Variants in CLCNKB observed in about 807,000 individuals in gnomAD.
The protein encoded by CLCNKB is chloride channel protein ClC-Kb.
In CLCNKB, 74 loss-of-function variants were observed where a neutral mutation model predicts 83.8. That is an observed-to-expected ratio of 0.88 (90% confidence interval 0.73 to 1.07). CLCNKB has a LOEUF of 1.07. CLCNKB is among the 50% of genes least tolerant of loss of function. The pLI is 0.00. For missense variants in CLCNKB, 798 were observed against 893.6 expected, an observed-to-expected ratio of 0.89 and a Z score of 1.36; for synonymous variants, 358 against 356.6, an observed-to-expected ratio of 1.00 and a Z score of -0.04.
intron 18 of CLCNKB, among the ~76,000 whole-genome samples, chr1:16,056,179 G>A (rs1208667966): frequency 6.6e-6 from 1 of 152,176 alleles, no homozygotes; most frequent in Non-Finnish European, 1.5e-5. Flanking sequence ...AGATGGCCCC[G>A]CCCCCTCTGT....
chr1:16,045,791 TCTGGGTGGGGATCTGGTC>T, intron 3 of CLCNKB, 105 bp downstream of exon 3: 1 of 567,774 alleles, frequency 1.8e-6, no homozygotes, highest in Non-Finnish European at 3.3e-6. Context: ...GGGGGGGTGC[TCTGGGTGGGGATCTGGTC>T]CTGGCTTTAC....
In CLCNKB at chr1:16,048,291, G is replaced by T. The variant is rs368196358; in HGVS notation, c.499-52G>T. On this transcript the variant is annotated intron_variant, in intron 5 of 19. Coordinates refer to ENST00000375679, the MANE Select transcript of CLCNKB (RefSeq NM_000085.5). ...GGGAAGCCGTGCTGACTCTGGGTGA[G>T]ACCGTCTCTGCTGCCCTCACCTGGG... The T allele has an allele frequency of 2.1e-5, 33 of 1,605,208 alleles. No individual in the cohort carries two copies. In the African/African-American group the frequency reaches 4.2e-4, roughly 20 times the overall value.
intron 2 of CLCNKB, among the ~76,000 whole-genome samples, 197 bp downstream of exon 2, chr1:16,044,789 G>A (rs2023049132): frequency 6.6e-6 from 1 of 152,216 alleles, no homozygotes; most frequent in Admixed American, 6.5e-5. Context: ...GATGGGCCGG[G>A]CATCTGCCCT....
Position 16,045,482 on chromosome 1 carries a change from C to T in CLCNKB, c.101-76C>T. Reference sequence around the variant, plus strand: ...CCTGCCCCAGCCTCTCTGCCTGAAGCCCAGCAGGCCTCCAAGGATGGGACT... The same window carrying T: ...CCTGCCCCAGCCTCTCTGCCTGAAGTCCAGCAGGCCTCCAAGGATGGGACT... On this transcript the variant is annotated intron_variant, in intron 2 of 19. Coordinates refer to ENST00000375679, the MANE Select transcript of CLCNKB (RefSeq NM_000085.5). 3 of 1,571,384 alleles carry T rather than the reference C, an allele frequency of 1.9e-6. No individual in the cohort carries two copies. The South Asian group carries it at 3.4e-5, about 18-fold the overall frequency.
At chr1:16,055,833 C>T in intron 18 of CLCNKB, 75 bp downstream of exon 18, 1 of 1,422,824 alleles carries the variant, frequency 7.0e-7, no homozygotes, top group Non-Finnish European at 9.9e-7. Flanking sequence ...GCTCACGCTC[C>T]AGCCTCCCCT....
rs1036013540 is a variant in CLCNKB at position 16,043,892 on chromosome 1, C to G, written c.-8+12C>G. The G allele has an allele frequency of 1.5e-5, 2 of 134,678 alleles. No homozygotes were observed. Among genetic ancestry groups the G allele is most frequent in the African/African-American group, 5.9e-5 (2 of 33,852 alleles). The allele number at this position is 134,678 out of a possible 1,614,324, so 8.3% of individuals were successfully genotyped here. On this transcript the variant is annotated intron_variant, in intron 1 of 19. Transcript: ENST00000375679. ...AGGAGGACTGACAGGTGAGGGGTCG[C>G]TGCAAGATGCTGGGGCCTGCCAGGG...
chr1:16,048,074 AC>A (rs1346553645), intron 5 of CLCNKB, 30 bp downstream of exon 5: 1 of 1,601,608 alleles, frequency 6.2e-7, no homozygotes, highest in Admixed American at 1.7e-5. Context: ...CATCCCAACC[AC>A]CCTACCCACC....
In CLCNKB at chr1:16,049,609, CT is replaced by C. The variant is rs763864337; in HGVS notation, c.782-7del. 3.8e-6 allele frequency: 6 copies of C among 1,595,146 alleles called. No homozygotes were observed. In the African/African-American group the frequency reaches 8.1e-5, roughly 21 times the overall value. On this transcript the variant is annotated splice_region_variant and splice_polypyrimidine_tract_variant and intron_variant, in intron 8 of 19. Coordinates refer to ENST00000375679, the MANE Select transcript of CLCNKB (RefSeq NM_000085.5). ...GCCATCTTGGCTCCCCACTGCCCTC[CT>C]TCCCCAGAGACCATCACCTCCCTCT... is the stretch of plus-strand genomic sequence containing the variant.
At chr1:16,044,378 C>CACACACAA in intron 1 of CLCNKB, 108 bp from the exon 2 acceptor site, 3 of 739,308 alleles carry the variant, frequency 4.1e-6, no homozygotes, top group East Asian at 2.8e-5. Context: ...CACACACACA[C>CACACACAA]GCACAATCTT....
chr1:16,056,223 T>C lies in CLCNKB; in HGVS notation c.1930-199T>C, dbSNP rs12048851. Among the ~76,000 whole-genome samples the C allele has an allele frequency of 0.44, 66,366 of 151,670 alleles. 14,987 individuals carry two copies. Among genetic ancestry groups the C allele is most frequent in the East Asian group, 0.8 (4,110 of 5,120 alleles). ...AGGGTGCTGGATATTAGGTCCTGTT[T>C]ACCTGCGGCCCCGCCCAGACCCTTG... On this transcript the variant is annotated intron_variant, in intron 18 of 19. Coordinates refer to ENST00000375679, the MANE Select transcript of CLCNKB (RefSeq NM_000085.5).
rs531815357 is a variant in CLCNKB, at chr1:16,050,251, A to G, written c.969-265A>G. ...GGCATTGGCCAAGCCCTCCTGCCCC[A>G]GGTGCATGAGCCCTGCCCTAGCCTG... On this transcript the variant is annotated intron_variant, in intron 10 of 19. Transcript: ENST00000375679. Among the ~76,000 whole-genome samples, 33 of 148,404 alleles carry G rather than the reference A, an allele frequency of 2.2e-4. 1 individual carries two copies. The highest frequency in any genetic ancestry group is 4.3e-4 in the Non-Finnish European group (29 of 67,552).
rs2023078911 is a variant in CLCNKB at position 16,045,673 on chromosome 1, G to A, written c.216G>A (p.Glu72=). ...LVSCAMDLAV[E]SVVRAHQWLY... ...GCTGTGCCATGGACTTGGCTGTTGA[G>A]AGTGTGGTCCGAGGTAACCCCTCCA... is the stretch of plus-strand genomic sequence containing the variant. The change falls in exon 3 of 20, where the codon GAG becomes GAA. Residue 72 remains glutamate, a synonymous_variant. Transcript: ENST00000375679. The A allele has an allele frequency of 1.9e-6, 3 of 1,612,924 alleles. No individual in the cohort carries two copies. The highest frequency in any genetic ancestry group is 2.5e-6 in the Non-Finnish European group (3 of 1,179,244).
In CLCNKB at chr1:16,055,476, G is replaced by C; in HGVS notation, c.1798G>C (p.Val600Leu). The C allele has an allele frequency of 6.2e-7, 1 of 1,613,340 alleles. No homozygotes were observed. The highest frequency in any genetic ancestry group is 8.5e-7 in the Non-Finnish European group (1 of 1,179,970). Residue 600 changes from valine (V) to leucine (L), a missense_variant, in exon 17 of 20, where the codon GTG becomes CTG. Transcript: ENST00000375679. ...GGGCATAGTGCGAAGGGCCCAGCTG[G>C]TGCAGGCCCTGAAGGCTGAGCCTCC... ...LVGIVRRAQL[V>L]QALKAEPPSW...
Position 16,043,786 on chromosome 1 carries a change from A to T in CLCNKB, c.-102A>T, listed in dbSNP as rs1254579298. 1 of 151,948 alleles carries T rather than the reference A, an allele frequency of 6.6e-6. No individual in the cohort carries two copies. Among genetic ancestry groups the T allele is most frequent in the African/African-American group, 2.4e-5 (1 of 41,208 alleles). 9.4% of individuals were successfully genotyped at this position (151,948 alleles called of 1,614,324 possible). A position where few individuals can be genotyped will look rare whatever the true frequency, so the allele number is the denominator to read the frequency against. ...GGGCCCAGGCGGGAAAGGGGGGAGG[A>T]TGTTGATTGTTGGAACACACACCTG... On this transcript the variant is annotated 5_prime_UTR_variant, in exon 1 of 20. It removes an upstream start codon present in the reference 5' UTR. Coordinates refer to ENST00000375679, the MANE Select transcript of CLCNKB (RefSeq NM_000085.5).
Position 16,050,607 on chromosome 1 carries a change from G to T in CLCNKB, c.1053+7G>T, listed in dbSNP as rs1396655162. The stretch of plus-strand genomic sequence containing the variant: ...CCGCTTCCTAGCTTCTCGGGTAAGG[G>T]GCCTTGAGTGGGGTGGCAGGAGTGG... On this transcript the variant is annotated splice_region_variant and intron_variant, in intron 11 of 19. Coordinates refer to ENST00000375679, the MANE Select transcript of CLCNKB (RefSeq NM_000085.5). The T allele has an allele frequency of 6.2e-7, 1 of 1,613,574 alleles. No homozygotes were observed. The highest frequency in any genetic ancestry group is 1.3e-5 in the African/African-American group (1 of 74,896).
At chr1:16,047,822 A>C in intron 4 of CLCNKB, 83 bp from the exon 5 acceptor site, 1 of 1,458,102 alleles carries the variant, frequency 6.9e-7, no homozygotes, top group Non-Finnish European at 9.6e-7. Context: ...CGAGATCGTA[A>C]TGTGAAAACA....
Position 16,055,541 on chromosome 1 carries a change from G to A in CLCNKB, c.1845+18G>A. 7 of 1,542,278 alleles carry A rather than the reference G, an allele frequency of 4.5e-6. No individual in the cohort carries two copies. Among genetic ancestry groups the A allele is most frequent in the Non-Finnish European group, 6.3e-6 (7 of 1,117,942 alleles). On this transcript the variant is annotated intron_variant, in intron 17 of 19. Coordinates refer to ENST00000375679, the MANE Select transcript of CLCNKB (RefSeq NM_000085.5). Reference sequence around the variant, plus strand: ...GACACCAGGTGGGTACTCCTGAGGGGCATGGGGATGGGGCGGGGGTGGGTC... The same window carrying A: ...GACACCAGGTGGGTACTCCTGAGGGACATGGGGATGGGGCGGGGGTGGGTC...
At chr1:16,043,932 CGGGGG>C (rs140434107) in intron 1 of CLCNKB, 52 bp downstream of exon 1, 48,753 of 101,172 alleles carry the variant, frequency 0.48, 10,048 homozygotes, top group East Asian at 0.73. Flanking sequence ...ACAGGCAGGG[CGGGGG>C]GGGGGGGGTG....
At chr1:16,045,806 G>C in intron 3 of CLCNKB, 120 bp downstream of exon 3, 1 of 1,130,140 alleles carries the variant, frequency 8.8e-7, no homozygotes, top group Non-Finnish European at 1.3e-6. Flanking sequence ...GTGGGGATCT[G>C]GTCCTGGCTT....
Sources: allele counts gnomAD v4.1 joint callset (sites outside exome capture counted in the v4.1 genomes callset), GRCh38; gene constraint gnomAD v4.1.1; transcripts MANE v1.5; gene names NCBI Gene and HGNC (gene_info 2026-07-23, HGNC 2026-07-21).